UTRN: variants seen among roughly 807,000 people sequenced by gnomAD.
UTRN encodes the protein dystrophin-related protein 1.
In UTRN, 283 loss-of-function variants were observed where a neutral mutation model predicts 463.9. The observed-to-expected ratio is 0.61, with a 90% CI of 0.55 to 0.67. The LOEUF is 0.67. UTRN is among the 30% of genes least tolerant of loss of function. The pLI, the probability that UTRN is intolerant of heterozygous loss-of-function variation, is 0.00. For synonymous variants in UTRN, 1,442 were observed against 1,431.5 expected (o/e 1.01, Z -0.17); for missense variants, 3,922 against 4,084.3 (o/e 0.96, Z 1.08).
chr6:144,451,345 T>G (rs1788284886), intron 17 of UTRN, 25 bp from the exon 18 acceptor site: 1 of 1,595,452 alleles, frequency 6.3e-7, no homozygotes, highest in Non-Finnish European at 8.5e-7. Flanking sequence ...ACATGACAAA[T>G]GGTCACCTCT....
intron 54 of UTRN, among the ~76,000 whole-genome samples, chr6:144,744,379 A>G (rs866889075): frequency 3.4e-5 from 5 of 146,352 alleles, no homozygotes; most frequent in South Asian, 2.1e-4. Flanking sequence ...ATATAGATAT[A>G]TAAAAATTAT....
chr6:144,520,441 T>C (rs1037285518), intron 39 of UTRN, among the ~76,000 whole-genome samples: 4 of 152,222 alleles, frequency 2.6e-5, no homozygotes, highest in Non-Finnish European at 5.9e-5. Flanking sequence ...CTTAGACATA[T>C]GGGTAAATAT....
chr6:144,368,759 G>A (rs775569855), intron 2 of UTRN, among the ~76,000 whole-genome samples: 53 of 151,442 alleles, frequency 3.5e-4, no homozygotes, highest in Non-Finnish European at 6.3e-4. Context: ...GGGCAACTCC[G>A]TCGCAAAAAA....
At chr6:144,332,202 C>T (rs900247413) in intron 2 of UTRN, among the ~76,000 whole-genome samples, 1 of 152,222 alleles carries the variant, frequency 6.6e-6, no homozygotes, top group Non-Finnish European at 1.5e-5. Flanking sequence ...CACCATTGCT[C>T]ATTGCTTTTG....
At chr6:144,376,083 C>G (rs1230941642) in intron 2 of UTRN, among the ~76,000 whole-genome samples, 1 of 152,092 alleles carries the variant, frequency 6.6e-6, no homozygotes, top group Non-Finnish European at 1.5e-5. Flanking sequence ...AACTCTGGGA[C>G]TCAGGCAGTC....
At chr6:144,735,171 C>T (rs140910113) in intron 54 of UTRN, among the ~76,000 whole-genome samples, 104 of 152,270 alleles carry the variant, frequency 6.8e-4, no homozygotes, top group Middle Eastern at 6.8e-3. Context: ...GTAAAAGTGT[C>T]CGTAGTCATG....
chr6:144,637,191 A>G lies in UTRN; in HGVS notation c.7480-41215A>G, dbSNP rs936530867. ...TGCCATGTGGCCCAGGCTGCTCCCA[A>G]ACTCCTGAGCTCAAGCAATCTAACT... On this transcript the variant is annotated intron_variant, in intron 51 of 74. Coordinates refer to ENST00000367545, the MANE Select transcript of UTRN (RefSeq NM_007124.3). 2.0e-5 allele frequency among the ~76,000 whole-genome samples: 3 copies of G among 152,008 alleles called. No homozygotes were observed. In the South Asian group the frequency reaches 6.2e-4, roughly 31 times the overall value.
intron 41 of UTRN, among the ~76,000 whole-genome samples, chr6:144,529,176 A>G (rs1390362889): frequency 6.6e-6 from 1 of 151,904 alleles, no homozygotes; most frequent in African/African-American, 2.4e-5. Context: ...CCACCCCCAC[A>G]CCCCCACTGG....
At chr6:144,556,060 A>T (rs1479555584) in intron 49 of UTRN, among the ~76,000 whole-genome samples, 1 of 152,234 alleles carries the variant, frequency 6.6e-6, no homozygotes, top group Admixed American at 6.5e-5. Context: ...TATTTTTAAA[A>T]GTGCTTTTAA....
At chr6:144,669,805 C>T (rs1021567258) in intron 51 of UTRN, among the ~76,000 whole-genome samples, 9 of 152,092 alleles carry the variant, frequency 5.9e-5, no homozygotes, top group African/African-American at 2.2e-4. Flanking sequence ...CATCATAGCT[C>T]AGCTCCCACT....
chr6:144,646,578 A>G (rs918732283), intron 51 of UTRN, among the ~76,000 whole-genome samples: 1 of 152,106 alleles, frequency 6.6e-6, no homozygotes, highest in East Asian at 1.9e-4. Flanking sequence ...TCCTTGAGGC[A>G]TTTTTTCACT....
At chr6:144,841,317 C>T (rs768517841) in intron 73 of UTRN, among the ~76,000 whole-genome samples, 21 of 152,130 alleles carry the variant, frequency 1.4e-4, no homozygotes, top group Non-Finnish European at 2.8e-4. Flanking sequence ...TTTTTATTCC[C>T]GCTGGTTTCT....
intron 51 of UTRN, among the ~76,000 whole-genome samples, chr6:144,664,049 A>G (rs1005922561): frequency 6.6e-6 from 1 of 152,238 alleles, no homozygotes; most frequent in African/African-American, 2.4e-5. Context: ...TGACAACTGC[A>G]TAATTAAGCA....
At chr6:144,469,839 G>A (rs1478992574) in intron 23 of UTRN, among the ~76,000 whole-genome samples, 1 of 151,886 alleles carries the variant, frequency 6.6e-6, no homozygotes, top group South Asian at 2.1e-4. Context: ...CCTAGGCAGA[G>A]GGCCCTGCCG....
At chr6:144,424,110 G>C (rs1332670653) in intron 6 of UTRN, 32 bp downstream of exon 6, 3 of 1,597,200 alleles carry the variant, frequency 1.9e-6, no homozygotes, top group Non-Finnish European at 2.6e-6. Context: ...TTTTAATAGA[G>C]ATGGAAAATG....
intron 51 of UTRN, among the ~76,000 whole-genome samples, chr6:144,609,644 C>T (rs1252688143): frequency 6.6e-6 from 1 of 152,102 alleles, no homozygotes; most frequent in African/African-American, 2.4e-5. Flanking sequence ...CTTAAGTGAA[C>T]ATAAAATAAT....
rs761788304 is a variant in UTRN at position 144,793,884 on chromosome 6, C to G, written c.8971C>G (p.Leu2991Val). ...AACAGAAATGTGTGACCAGAGGCAG[C>G]TGGGCCTGTTACTTCATGATGCCAT... is the stretch of plus-strand genomic sequence containing the variant. The part of the protein sequence containing the change: ...GPTEMCDQRQ[L>V]GLLLHDAIQI... The change falls in exon 63 of 75, where the codon CTG (leucine) becomes GTG (valine). Residue 2991 changes from leucine (L) to valine (V), a missense_variant. Leu to Val is a conservative substitution (Grantham distance 32). Coordinates refer to ENST00000367545, the MANE Select transcript of UTRN (RefSeq NM_007124.3). The G allele has an allele frequency of 6.2e-6, 10 of 1,614,008 alleles. No individual in the cohort carries two copies. The highest frequency in any genetic ancestry group is 1.3e-5 in the African/African-American group (1 of 74,920).
intron 2 of UTRN, among the ~76,000 whole-genome samples, chr6:144,387,802 G>A (rs554669480): frequency 6.6e-6 from 1 of 152,128 alleles, no homozygotes; most frequent in East Asian, 1.9e-4. Flanking sequence ...TTTGTTTTTG[G>A]TTGAGTGTTG....
intron 60 of UTRN, among the ~76,000 whole-genome samples, chr6:144,781,522 T>C (rs1370887826): frequency 6.6e-6 from 1 of 152,210 alleles, no homozygotes; most frequent in Non-Finnish European, 1.5e-5. Context: ...CACAGGCTGC[T>C]TGCAGGAGTT....
Sources: allele counts gnomAD v4.1 joint callset (sites outside exome capture counted in the v4.1 genomes callset), GRCh38; gene constraint gnomAD v4.1.1; transcripts MANE v1.5; gene names NCBI Gene and HGNC (gene_info 2026-07-23, HGNC 2026-07-21).